EYS: variants seen among roughly 807,000 people sequenced by gnomAD.
EYS encodes the protein protein eyes shut homolog.
Under a neutral mutation model 282.1 loss-of-function variants are expected in EYS, and 250 were observed. That is an observed-to-expected ratio of 0.89 (90% CI 0.80 to 0.98). EYS has a LOEUF of 0.98. EYS is among the 50% of genes least tolerant of loss of function. The pLI is 0.00. For missense variants in EYS, 4,016 were observed against 3,709.0 expected (o/e 1.08, Z -2.15); for synonymous variants, 1,355 against 1,282.9 (o/e 1.06, Z -1.20).
intron 2 of EYS, among the ~76,000 whole-genome samples, chr6:65,570,894 T>G (rs1236379638): frequency 6.6e-6 from 1 of 152,136 alleles, no homozygotes; most frequent in Non-Finnish European, 1.5e-5. Flanking sequence ...CAATGTATTT[T>G]TTACTTGCTC....
chr6:64,570,094 C>A (rs1301518025), intron 26 of EYS, among the ~76,000 whole-genome samples: 1 of 152,220 alleles, frequency 6.6e-6, no homozygotes, highest in Non-Finnish European at 1.5e-5. Flanking sequence ...CAATGGATGT[C>A]TCTGAAGAAA....
At chr6:63,908,031 T>TATATATAC (rs1491523191) in intron 35 of EYS, among the ~76,000 whole-genome samples, 97 of 50,218 alleles carry the variant, frequency 1.9e-3, no homozygotes, top group African/African-American at 2.5e-3. Context: ...TATATATATA[T>TATATATAC]ACGTTTGTGT....
At chr6:64,049,779 T>G (rs898784679) in intron 33 of EYS, among the ~76,000 whole-genome samples, 3 of 152,124 alleles carry the variant, frequency 2.0e-5, no homozygotes, top group African/African-American at 7.2e-5. Context: ...ACTAAGAACA[T>G]TGATATTGCA....
chr6:64,734,777 T>C (rs1772129247), intron 22 of EYS, among the ~76,000 whole-genome samples: 1 of 152,196 alleles, frequency 6.6e-6, no homozygotes, highest in Admixed American at 6.5e-5. Flanking sequence ...GGGGTATTAC[T>C]GTGCCCTCTC....
At position 64,902,513 on chromosome 6, in the gene EYS, T is replaced by C; in HGVS notation, c.2642-13A>G. ...TTACCTTCAAATTCTGCAAAGAGTATGAGATGAGTATGGATGAGCAATCCT... is the reference window on the plus strand; with the variant it reads ...TTACCTTCAAATTCTGCAAAGAGTACGAGATGAGTATGGATGAGCAATCCT... On this transcript the variant is annotated splice_polypyrimidine_tract_variant and intron_variant, in intron 16 of 42. Coordinates refer to ENST00000503581, the MANE Select transcript of EYS (RefSeq NM_001142800.2). 6.7e-7 allele frequency: 1 copy of C among 1,483,310 alleles called. No individual in the cohort carries two copies. Among genetic ancestry groups the C allele is most frequent in the Non-Finnish European group, 9.1e-7 (1 of 1,101,388 alleles). The allele number at this position is 1,483,310 out of a possible 1,614,324, so 91.9% of individuals were successfully genotyped here. A position where few individuals can be genotyped will look rare whatever the true frequency, so the allele number is the denominator to read the frequency against.
At chr6:65,012,120 T>C (rs1208361225) in intron 13 of EYS, among the ~76,000 whole-genome samples, 2 of 152,242 alleles carry the variant, frequency 1.3e-5, no homozygotes, top group African/African-American at 4.8e-5. Flanking sequence ...AATAAACATC[T>C]AATCTTAATA....
intron 26 of EYS, among the ~76,000 whole-genome samples, chr6:64,570,479 T>C (rs1205235136): frequency 6.6e-6 from 1 of 152,154 alleles, no homozygotes; most frequent in Non-Finnish European, 1.5e-5. Context: ...AATGCCTCAA[T>C]TGAAAGATAC....
intron 28 of EYS, among the ~76,000 whole-genome samples, chr6:64,433,483 A>G (rs1774638592): frequency 6.6e-6 from 1 of 152,016 alleles, no homozygotes; most frequent in Admixed American, 6.6e-5. Flanking sequence ...ATAGATGATA[A>G]TCATGGACAA....
chr6:64,384,119 T>C (rs1052937721), intron 29 of EYS, among the ~76,000 whole-genome samples: 5 of 152,170 alleles, frequency 3.3e-5, no homozygotes, highest in Non-Finnish European at 5.9e-5. Flanking sequence ...CTAAAGGATT[T>C]TGATGGCTAA....
intron 26 of EYS, among the ~76,000 whole-genome samples, chr6:64,457,266 CT>C (rs1428889636): frequency 6.6e-6 from 1 of 151,872 alleles, no homozygotes. Flanking sequence ...AGTTTTCAGA[CT>C]TTTTGTGGTT....
intron 12 of EYS, among the ~76,000 whole-genome samples, chr6:65,112,295 T>C (rs1330300537): frequency 6.6e-6 from 1 of 152,074 alleles, no homozygotes; most frequent in Non-Finnish European, 1.5e-5. Flanking sequence ...AGAAGAAAAA[T>C]ATCACCTGAT....
intron 1 of EYS, among the ~76,000 whole-genome samples, chr6:65,695,750 A>AT (rs895532721): frequency 1.3e-5 from 2 of 151,856 alleles, no homozygotes; most frequent in African/African-American, 4.8e-5. Flanking sequence ...CAAAAAGTTG[A>AT]TTTTTTTGTT....
chr6:65,659,644 C>T (rs193216946), intron 1 of EYS, among the ~76,000 whole-genome samples: 44 of 151,742 alleles, frequency 2.9e-4, no homozygotes, highest in African/African-American at 1.0e-3. Context: ...TAATAAATAT[C>T]CTTAGATTCA....
chr6:64,529,022 T>C (rs1284877858), intron 26 of EYS, among the ~76,000 whole-genome samples: 1 of 152,074 alleles, frequency 6.6e-6, no homozygotes, highest in Non-Finnish European at 1.5e-5. Context: ...ACAGAGTTTT[T>C]TGAATCTATT....
At chr6:64,129,909 C>T (rs189171722) in intron 31 of EYS, among the ~76,000 whole-genome samples, 2,939 of 152,238 alleles carry the variant, frequency 0.019, 83 homozygotes, top group African/African-American at 0.066. Flanking sequence ...TTTCTTGTTT[C>T]TGTCAGGTTT....
rs185703709 is a variant in EYS, at chr6:65,326,992, A to G, written c.1766+7988T>C. On this transcript the variant is annotated intron_variant, in intron 11 of 42. Coordinates refer to ENST00000503581, the MANE Select transcript of EYS (RefSeq NM_001142800.2). ...CATAATCATATCTATAAACCACAAT[A>G]ATTGTGTTTCTTCCTATCCAATTTA... 3.3e-5 allele frequency among the ~76,000 whole-genome samples: 5 copies of G among 151,744 alleles called. No homozygotes were observed. In the East Asian group the frequency reaches 9.7e-4, roughly 29 times the overall value.
chr6:65,666,051 G>A (rs749227479), intron 1 of EYS, among the ~76,000 whole-genome samples: 4 of 151,184 alleles, frequency 2.6e-5, no homozygotes, highest in Non-Finnish European at 4.4e-5. Context: ...TTGATGGAAT[G>A]TAAGTTAACA....
At position 64,375,719 on chromosome 6, in the gene EYS, T is replaced by C. The variant is rs563710464; in HGVS notation, c.6078+12971A>G. On this transcript the variant is annotated intron_variant, in intron 29 of 42. Coordinates refer to ENST00000503581, the MANE Select transcript of EYS (RefSeq NM_001142800.2). ...GAGGAGTAAAGAAGAGGTTTGATTATTATAGATTATTTTCTCCACTTTGTA... is the reference window on the plus strand; with the variant it reads ...GAGGAGTAAAGAAGAGGTTTGATTACTATAGATTATTTTCTCCACTTTGTA... 2.6e-5 allele frequency among the ~76,000 whole-genome samples: 4 copies of C among 152,290 alleles called. No individual in the cohort carries two copies. In the South Asian group the frequency reaches 6.2e-4, roughly 24 times the overall value.
Position 64,945,852 on chromosome 6 carries a change from C to T in EYS, c.2322G>A (p.Glu774=), listed in dbSNP as rs1769270123. ...EGNFCEQESN[E]CKMNPCKNNS... ...TGTTCTTGCAAGGATTCATTTTACA[C>T]TCATTGGATTCTTGTTCACAAAAAT... is the stretch of plus-strand genomic sequence containing the variant. Residue 774 remains glutamate, a synonymous_variant, in exon 15 of 43, where the codon GAG becomes GAA. Coordinates refer to ENST00000503581, the MANE Select transcript of EYS (RefSeq NM_001142800.2). 6.5e-7 allele frequency: 1 copy of T among 1,549,388 alleles called. No homozygotes were observed.
Sources: gnomAD v4.1 joint callset for allele counts (sites outside exome capture counted in the v4.1 genomes callset) on GRCh38, gnomAD v4.1.1 for gene constraint, MANE v1.5 for transcripts, NCBI Gene and HGNC (gene_info 2026-07-23, HGNC 2026-07-21) for gene names.